Variants in PDZRN3 observed in about 807,000 individuals in gnomAD.
PDZRN3 encodes PDZ domain containing ring finger 3.
In PDZRN3, 38 loss-of-function variants were observed where a neutral mutation model predicts 85.7. That is an observed-to-expected ratio of 0.44 (90% CI 0.34 to 0.58). The LOEUF (loss-of-function observed/expected upper bound fraction) is 0.58, where lower values mean the gene tolerates loss of function less well. PDZRN3 is among the 20% of genes least tolerant of loss of function. The pLI is 0.01. For missense variants in PDZRN3, 1,629 were observed against 1,506.4 expected, an observed-to-expected ratio of 1.08 and a Z score of -1.35; for synonymous variants, 759 against 638.0, an observed-to-expected ratio of 1.19 and a Z score of -2.86.
At chr3:73,554,426 G>GT (rs1701642098) in intron 3 of PDZRN3, among the ~76,000 whole-genome samples, 2 of 151,882 alleles carry the variant, frequency 1.3e-5, no homozygotes, top group African/African-American at 4.8e-5. Context: ...TAAGTGCTCT[G>GT]TAAGTGTCCG....
chr3:73,401,676 A>G (rs1384916143), intron 4 of PDZRN3: 2 of 152,312 alleles, frequency 1.3e-5, no homozygotes, highest in African/African-American at 4.8e-5. Flanking sequence ...CTAGGACAAC[A>G]TATGCAAAAC....
At chr3:73,574,616 G>A (rs949235573) in intron 3 of PDZRN3, among the ~76,000 whole-genome samples, 3 of 151,998 alleles carry the variant, frequency 2.0e-5, no homozygotes, top group Admixed American at 1.3e-4. Context: ...CTACCACCAC[G>A]CCCGGCTAAT....
At chr3:73,456,796 T>A (rs945188999) in intron 3 of PDZRN3, among the ~76,000 whole-genome samples, 2 of 152,202 alleles carry the variant, frequency 1.3e-5, no homozygotes, top group East Asian at 3.9e-4. Flanking sequence ...GTAGCTATAA[T>A]CATACCACAG....
chr3:73,529,316 G>T (rs1263881161), intron 3 of PDZRN3, among the ~76,000 whole-genome samples: 1 of 152,186 alleles, frequency 6.6e-6, no homozygotes, highest in Non-Finnish European at 1.5e-5. Context: ...CCATGTGCTT[G>T]TCCCAAGGCA....
intron 3 of PDZRN3, among the ~76,000 whole-genome samples, chr3:73,478,473 C>T (rs917273141): frequency 6.6e-6 from 1 of 151,970 alleles, no homozygotes; most frequent in Non-Finnish European, 1.5e-5. Flanking sequence ...CATCCAGTTG[C>T]AAGGCTCCCA....
At chr3:73,508,946 T>A (rs1346758962) in intron 3 of PDZRN3, among the ~76,000 whole-genome samples, 1 of 152,316 alleles carries the variant, frequency 6.6e-6, no homozygotes, top group East Asian at 1.9e-4. Context: ...GCCTATGGTT[T>A]ATCCAGACAG....
At chr3:73,582,869 A>G (rs146226763) in intron 3 of PDZRN3, among the ~76,000 whole-genome samples, 234 of 152,326 alleles carry the variant, frequency 1.5e-3, no homozygotes, top group African/African-American at 5.2e-3. Flanking sequence ...AGACACAGAT[A>G]TAACTCACGG....
At chr3:73,561,563 T>C (rs1701815231) in intron 3 of PDZRN3, 1 of 152,230 alleles carries the variant, frequency 6.6e-6, no homozygotes, top group South Asian at 2.1e-4. Flanking sequence ...AGCTCGGAAG[T>C]GTTATTTCTC....
At chr3:73,524,041 C>A (rs879755911) in intron 3 of PDZRN3, among the ~76,000 whole-genome samples, 68 of 152,234 alleles carry the variant, frequency 4.5e-4, no homozygotes, top group South Asian at 1.0e-3. Flanking sequence ...AAGTAGATAT[C>A]ACAGGGCATG....
At chr3:73,584,318 C>A (rs1408656315) in intron 3 of PDZRN3, among the ~76,000 whole-genome samples, 1 of 152,122 alleles carries the variant, frequency 6.6e-6, no homozygotes, top group Non-Finnish European at 1.5e-5. Flanking sequence ...AGAAGAATAA[C>A]CACTTCCATC....
rs887116403 is a variant in PDZRN3 at position 73,383,644 on chromosome 3, G to C, written c.2922C>G (p.Ser974Arg). 1 of 1,613,246 alleles carries C rather than the reference G, an allele frequency of 6.2e-7. No homozygotes were observed. Among genetic ancestry groups the C allele is most frequent in the African/African-American group, 1.3e-5 (1 of 75,008 alleles). Residue 974 changes from serine to arginine, a missense_variant, in exon 10 of 10, where the codon AGC becomes AGG. Ser to Arg is a moderately radical substitution (Grantham distance 110). Coordinates refer to ENST00000263666, the MANE Select transcript of PDZRN3 (RefSeq NM_015009.3). ...CCAGGTGCTGCTTCCTCTCCTCCTT[G>C]CTCCAGTAGCGCCCCATCTTCATCT... Reference protein sequence around the residue: ...VSEMKMGRYWSKEERKQHLVK... With the variant: ...VSEMKMGRYWRKEERKQHLVK...
intron 3 of PDZRN3, among the ~76,000 whole-genome samples, chr3:73,543,367 T>C (rs1160011699): frequency 6.6e-6 from 1 of 152,238 alleles, no homozygotes; most frequent in Non-Finnish European, 1.5e-5. Context: ...TGCAGTGAGA[T>C]GTAGGCAGCA....
intron 3 of PDZRN3, among the ~76,000 whole-genome samples, chr3:73,448,155 G>A (rs954714877): frequency 6.6e-6 from 1 of 152,160 alleles, no homozygotes; most frequent in Non-Finnish European, 1.5e-5. Context: ...CAGCACAGGA[G>A]GGGAATCTGG....
chr3:73,437,563 C>G (rs1702554326), intron 3 of PDZRN3, among the ~76,000 whole-genome samples: 1 of 152,140 alleles, frequency 6.6e-6, no homozygotes. Flanking sequence ...AAGAGCCTCA[C>G]ACTGCAGGAG....
intron 3 of PDZRN3, among the ~76,000 whole-genome samples, chr3:73,596,909 G>A (rs1378244610): frequency 6.6e-6 from 1 of 152,104 alleles, no homozygotes; most frequent in African/African-American, 2.4e-5. Context: ...TTACCATACT[G>A]TTACATATGA....
intron 3 of PDZRN3, among the ~76,000 whole-genome samples, chr3:73,481,493 G>T (rs955338382): frequency 2.0e-5 from 3 of 150,996 alleles, no homozygotes; most frequent in African/African-American, 7.3e-5. Context: ...TTCATGGCTG[G>T]CTAATTTTGT....
intron 3 of PDZRN3, among the ~76,000 whole-genome samples, chr3:73,434,604 T>C (rs1702496488): frequency 6.6e-6 from 1 of 152,168 alleles, no homozygotes; most frequent in Non-Finnish European, 1.5e-5. Flanking sequence ...CCCAACTAAC[T>C]GGAAGGAAGA....
intron 3 of PDZRN3, among the ~76,000 whole-genome samples, chr3:73,549,805 T>C (rs565867527): frequency 6.6e-6 from 1 of 152,354 alleles, no homozygotes; most frequent in South Asian, 2.1e-4. Flanking sequence ...TATTTCATGC[T>C]GCCCAGGGAA....
intron 3 of PDZRN3, among the ~76,000 whole-genome samples, chr3:73,471,305 C>G (rs1240991306): frequency 6.6e-6 from 1 of 152,130 alleles, no homozygotes; most frequent in East Asian, 1.9e-4. Context: ...AAAGGTCCCC[C>G]CCCAGGTTTC....
Sources: gnomAD v4.1 joint callset for allele counts (sites outside exome capture counted in the v4.1 genomes callset) on GRCh38, gnomAD v4.1.1 for gene constraint, MANE v1.5 for transcripts, NCBI Gene and HGNC (gene_info 2026-07-23, HGNC 2026-07-21) for gene names.